GPHN: variants seen among roughly 807,000 people sequenced by gnomAD.
The protein encoded by GPHN is gephyrin.
In GPHN, 17 loss-of-function variants were observed where a neutral mutation model predicts 95.5. The ratio of observed to expected loss-of-function variants is 0.18; its 90% CI spans 0.12 to 0.27. The LOEUF is 0.27. GPHN is among the 10% of genes least tolerant of loss of function. The probability of loss-of-function intolerance (pLI) is 1.00; values close to 1 mark genes in which losing one functional copy is unlikely to be tolerated. For synonymous variants in GPHN, 320 were observed against 322.5 expected, an observed-to-expected ratio of 0.99 and a Z score of 0.08; for missense variants, 660 against 978.1, an observed-to-expected ratio of 0.67 and a Z score of 4.34.
chr14:66,919,856 G>A (rs534450366), intron 6 of GPHN, among the ~76,000 whole-genome samples: 2 of 152,084 alleles, frequency 1.3e-5, no homozygotes, highest in Non-Finnish European at 2.9e-5. Context: ...CACAAGGTCA[G>A]GAGTTCAAGA....
At chr14:67,387,049 C>A in the GPHN span, 1 of 274,726 alleles carries the variant, frequency 3.6e-6, no homozygotes, top group Non-Finnish European at 6.8e-6. Flanking sequence ...CAAAGGGAAC[C>A]TACTTTGGTG....
At chr14:67,379,816 G>A in the GPHN span, among the ~76,000 whole-genome samples, 9 of 150,444 alleles carry the variant, frequency 6.0e-5, no homozygotes, top group South Asian at 2.1e-4. Flanking sequence ...CACTACGCCC[G>A]GCTAATTTTT....
intron 4 of GPHN, among the ~76,000 whole-genome samples, chr14:66,826,480 T>C (rs2061390682): frequency 6.6e-6 from 1 of 152,156 alleles, no homozygotes; most frequent in Non-Finnish European, 1.5e-5. Context: ...GTCCACAAGA[T>C]TGCCTTCACG....
At chr14:66,855,592 G>T (rs1421647362) in intron 4 of GPHN, among the ~76,000 whole-genome samples, 1 of 152,112 alleles carries the variant, frequency 6.6e-6, no homozygotes, top group Non-Finnish European at 1.5e-5. Context: ...GTGAACATTG[G>T]CAAACAAGTA....
chr14:67,260,249 T>A, the GPHN span, among the ~76,000 whole-genome samples: 1 of 152,330 alleles, frequency 6.6e-6, no homozygotes, highest in Admixed American at 6.5e-5. Context: ...CCACCCTGAC[T>A]GTGCCTGATC....
the GPHN span, among the ~76,000 whole-genome samples, chr14:67,524,999 A>T: frequency 6.6e-6 from 1 of 152,170 alleles, no homozygotes; most frequent in Non-Finnish European, 1.5e-5. Flanking sequence ...GGCTTTATTG[A>T]GTTAGATGTC....
intron 1 of GPHN, among the ~76,000 whole-genome samples, chr14:66,560,801 G>A (rs891459950): frequency 2.0e-5 from 3 of 152,068 alleles, no homozygotes; most frequent in Non-Finnish European, 4.4e-5. Context: ...GGTGAGAGAG[G>A]GCATCCCTAT....
chr14:66,733,802 ATC>A (rs1272120845), intron 2 of GPHN, among the ~76,000 whole-genome samples: 1 of 152,226 alleles, frequency 6.6e-6, no homozygotes, highest in African/African-American at 2.4e-5. Context: ...GACTGAAATA[ATC>A]TATTAAGTCT....
the GPHN span, among the ~76,000 whole-genome samples, chr14:67,673,327 G>A: frequency 1.3e-5 from 2 of 151,984 alleles, no homozygotes; most frequent in African/African-American, 4.8e-5. Flanking sequence ...CTGGGTGACA[G>A]AGTGAGACCC....
chr14:66,550,279 A>G (rs538584766), intron 1 of GPHN, among the ~76,000 whole-genome samples: 48 of 152,228 alleles, frequency 3.2e-4, no homozygotes, highest in African/African-American at 1.2e-3. Flanking sequence ...CAACATTAAC[A>G]GTAATTTGGA....
intron 4 of GPHN, among the ~76,000 whole-genome samples, chr14:66,835,472 A>G (rs1015530326): frequency 2.6e-5 from 4 of 152,086 alleles, no homozygotes; most frequent in East Asian, 1.9e-4. Context: ...ATCTATGACA[A>G]ACCCACAGCC....
chr14:66,683,225 T>C (rs2067049964), intron 2 of GPHN, among the ~76,000 whole-genome samples: 1 of 149,292 alleles, frequency 6.7e-6, no homozygotes, highest in Admixed American at 6.8e-5. Context: ...ATTTTTTCTT[T>C]ATTAAGAACT....
the GPHN span, chr14:67,562,176 C>T: frequency 4.0e-4 from 643 of 1,611,596 alleles, no homozygotes; most frequent in Non-Finnish European, 5.1e-4. Flanking sequence ...CTGGTGCCCC[C>T]CTACGGAGCT....
intron 3 of GPHN, among the ~76,000 whole-genome samples, chr14:66,778,965 A>T (rs2059503257): frequency 6.6e-6 from 1 of 151,776 alleles, no homozygotes; most frequent in South Asian, 2.1e-4. Flanking sequence ...GCTGGTCTTG[A>T]ACCCCTGACC....
intron 3 of GPHN, among the ~76,000 whole-genome samples, chr14:66,811,103 A>T (rs2060741907): frequency 6.6e-6 from 1 of 152,192 alleles, no homozygotes; most frequent in Non-Finnish European, 1.5e-5. Context: ...AAATTAAAAC[A>T]TCCATGTGTG....
chr14:67,214,390 C>A, the GPHN span, among the ~76,000 whole-genome samples: 5 of 152,252 alleles, frequency 3.3e-5, no homozygotes, highest in African/African-American at 9.6e-5. Context: ...ATATGGCTAG[C>A]CAGTTTTCCC....
intron 12 of GPHN, among the ~76,000 whole-genome samples, chr14:67,089,747 T>C (rs1595090544): frequency 6.6e-6 from 1 of 152,172 alleles, no homozygotes; most frequent in East Asian, 1.9e-4. Flanking sequence ...CCTCTAATTC[T>C]CTAGAAGACA....
At chr14:67,514,411 G>A in the GPHN span, among the ~76,000 whole-genome samples, 1 of 152,154 alleles carries the variant, frequency 6.6e-6, no homozygotes, top group Non-Finnish European at 1.5e-5. Context: ...CATCTCTCAC[G>A]GAGGACCAGA....
the GPHN span, chr14:67,734,133 G>T: frequency 2.9e-6 from 1 of 339,460 alleles, no homozygotes. Context: ...GCTGGGCATG[G>T]GGGTGGCAGA....
Sources: gnomAD v4.1 joint callset for allele counts (sites outside exome capture counted in the v4.1 genomes callset) on GRCh38, gnomAD v4.1.1 for gene constraint, MANE v1.5 for transcripts, NCBI Gene and HGNC (gene_info 2026-07-23, HGNC 2026-07-21) for gene names.